NCOR2: variants seen among roughly 807,000 people sequenced by gnomAD.
The protein encoded by NCOR2 is CTG repeat protein 26.
NCOR2 carries 81 observed loss-of-function variants against 262.9 expected under a neutral mutation model. The ratio of observed to expected loss-of-function variants is 0.31; its 90% CI spans 0.26 to 0.37. NCOR2 has a LOEUF of 0.37. Ranked by LOEUF, NCOR2 falls within the 10% of genes least tolerant of loss-of-function variation. NCOR2 has a pLI of 1.00. For missense variants in NCOR2, 3,385 were observed against 3,621.4 expected (o/e 0.93, Z 1.68); for synonymous variants, 1,659 against 1,559.3 (o/e 1.06, Z -1.51).
In NCOR2 at chr12:124,378,935, C is replaced by T. The variant is rs528931970; in HGVS notation, c.2020-551G>A. On this transcript the variant is annotated intron_variant, in intron 17 of 46. Transcript: ENST00000405201. The surrounding 1 kb of genome is among the most constrained non-coding windows in gnomAD (Gnocchi z 4.2). ...ACAAGGTCCTGCCCTTGGAGGCTGC[C>T]CTGCCGCTGGGGAGACTGGCAACGT... Among the ~76,000 whole-genome samples the T allele has an allele frequency of 1.4e-3, 61 of 42,346 alleles. No homozygotes were observed. The highest frequency in any genetic ancestry group is 3.5e-3 in the African/African-American group (59 of 16,964). 27.8% of individuals were successfully genotyped at this position (42,346 alleles called of 152,430 possible). A position where few individuals can be genotyped will look rare whatever the true frequency, so the allele number is the denominator to read the frequency against.
At chr12:124,534,532 G>GT (rs1249941548) in intron 1 of NCOR2, among the ~76,000 whole-genome samples, 1 of 152,102 alleles carries the variant, frequency 6.6e-6, no homozygotes, top group Non-Finnish European at 1.5e-5. Context: ...CCAGAATGTC[G>GT]TTATGCAGCA....
At chr12:124,489,034 C>T (rs1158079706) in intron 1 of NCOR2, among the ~76,000 whole-genome samples, 4 of 151,994 alleles carry the variant, frequency 2.6e-5, no homozygotes, top group Non-Finnish European at 5.9e-5. Context: ...CACTGGCCCC[C>T]ACCACTAGGC....
chr12:124,356,513 G>C, intron 23 of NCOR2, 129 bp downstream of exon 25: 4 of 843,612 alleles, frequency 4.7e-6, no homozygotes, highest in Non-Finnish European at 6.5e-6. Flanking sequence ...CCACTGACCA[G>C]GCTGTTCCTC....
intron 16 of NCOR2, chr12:124,388,671 G>T (rs1339280671): frequency 1.4e-5 from 18 of 1,304,384 alleles, no homozygotes; most frequent in Non-Finnish European, 1.7e-5. Flanking sequence ...CCCTCCCCAG[G>T]ACCACTCACT....
At chr12:124,506,754 T>C (rs971241029) in intron 1 of NCOR2, among the ~76,000 whole-genome samples, 3 of 152,078 alleles carry the variant, frequency 2.0e-5, no homozygotes, top group African/African-American at 7.2e-5. Context: ...CAGAGGGAAG[T>C]GAGGAGTCAG....
chr12:124,392,839 C>T (rs1263995931), intron 16 of NCOR2, among the ~76,000 whole-genome samples: 3 of 152,224 alleles, frequency 2.0e-5, no homozygotes, highest in Non-Finnish European at 4.4e-5. Context: ...GTTCCTGCCT[C>T]GCTCCTGTGA....
chr12:124,546,524 C>T (rs984321283), intron 1 of NCOR2, among the ~76,000 whole-genome samples: 1 of 152,116 alleles, frequency 6.6e-6, no homozygotes, highest in African/African-American at 2.4e-5. Flanking sequence ...AAGTGATTAT[C>T]CTGCCTCAGC....
chr12:124,458,635 C>G (rs1385174338), intron 5 of NCOR2, among the ~76,000 whole-genome samples: 2 of 152,232 alleles, frequency 1.3e-5, no homozygotes, highest in Admixed American at 6.5e-5. Flanking sequence ...TGCGCATAAG[C>G]GCCATGGGAG....
chr12:124,362,092 C>A, intron 22 of NCOR2, 34 bp downstream of exon 24: 1 of 1,271,048 alleles, frequency 7.9e-7, no homozygotes, highest in Non-Finnish European at 9.9e-7. Flanking sequence ...TCCCCTGCTG[C>A]CCCAGCCCCA....
intron 1 of NCOR2, among the ~76,000 whole-genome samples, chr12:124,555,467 T>A (rs1029028106): frequency 2.0e-5 from 3 of 152,184 alleles, no homozygotes; most frequent in African/African-American, 7.2e-5. Flanking sequence ...GTCCGCAGGA[T>A]GTATACATGC....
At chr12:124,536,198 T>C (rs1413045121), upstream of NCOR2, among the ~76,000 whole-genome samples, 1 of 152,148 alleles carries the variant, frequency 6.6e-6, no homozygotes, top group Non-Finnish European at 1.5e-5. Flanking sequence ...CACCTAAGCC[T>C]GCTAAGTAGC....
intron 1 of NCOR2, among the ~76,000 whole-genome samples, chr12:124,493,916 C>T (rs1398329864): frequency 6.6e-6 from 1 of 152,198 alleles, no homozygotes; most frequent in African/African-American, 2.4e-5. Flanking sequence ...GGGCCTCAGT[C>T]TCCTCATCTG....
At chr12:124,366,174 G>A (rs1304211040) in intron 20 of NCOR2, among the ~76,000 whole-genome samples, 1 of 152,200 alleles carries the variant, frequency 6.6e-6, no homozygotes, top group Non-Finnish European at 1.5e-5. Context: ...ACAACAGCCA[G>A]AAGGCAGAGA....
At chr12:124,507,481 A>G (rs2136996773) in intron 1 of NCOR2, among the ~76,000 whole-genome samples, 1 of 152,336 alleles carries the variant, frequency 6.6e-6, no homozygotes, top group Non-Finnish European at 1.5e-5. Flanking sequence ...AAGTGTTGCC[A>G]GTGGCCCCGG....
rs751070423 is a variant in NCOR2 at position 124,400,519 on chromosome 12, G to C, written c.1795C>G (p.Gln599Glu). Residue 599 changes from glutamine to glutamate, a missense_variant, in exon 15 of 47, where the codon CAG becomes GAG. Transcript: ENST00000405201. ...AGCTCACCCAGCTCGGCGCTCTGCT[G>C]GGGGGTGATGGCCTCCTCGCTGTTG... 3.7e-6 allele frequency: 6 copies of C among 1,613,848 alleles called. No individual in the cohort carries two copies. The highest frequency in any genetic ancestry group is 5.1e-6 in the Non-Finnish European group (6 of 1,179,924).
At chr12:124,405,790 C>T (rs904636592) in intron 13 of NCOR2, among the ~76,000 whole-genome samples, 3 of 151,298 alleles carry the variant, frequency 2.0e-5, no homozygotes, top group Non-Finnish European at 4.4e-5. Context: ...CCCCCAAAGC[C>T]TTCTATGTTT....
intron 18 of NCOR2, among the ~76,000 whole-genome samples, chr12:124,377,403 G>A (rs1207135521): frequency 3.9e-5 from 6 of 152,198 alleles, no homozygotes; most frequent in East Asian, 1.9e-4. Flanking sequence ...CAAAGAAGGG[G>A]ACTGAATTAT....
rs545534542 is a variant in NCOR2 at position 124,362,221 on chromosome 12, G to A, written c.3005C>T (p.Pro1002Leu). ...GTCGCTCTCCGGCTGCAGGTTTTGC[G>A]GTGGCGGTGGGGCTGGGGGAGCTGG... Residue 1002 changes from proline to leucine, a missense_variant, in exon 22 of 47, where the codon CCG (proline) becomes CTG (leucine). Pro to Leu is a moderately conservative substitution (Grantham distance 98). Around this residue, in one of 5 missense-constraint regions of NCOR2, gnomAD observed 1,615 missense variants for 1,626.9 expected, o/e 0.99. Coordinates refer to ENST00000405201, the Ensembl canonical transcript of NCOR2. 20 of 1,310,974 alleles carry A rather than the reference G, an allele frequency of 1.5e-5. No individual in the cohort carries two copies. Among genetic ancestry groups the A allele is most frequent in the Middle Eastern group, 2.2e-4 (1 of 4,626 alleles). 81.2% of individuals were successfully genotyped at this position (1,310,974 alleles called of 1,614,324 possible).
intron 1 of NCOR2, among the ~76,000 whole-genome samples, chr12:124,511,377 C>A (rs894712225): frequency 2.6e-5 from 4 of 152,254 alleles, no homozygotes; most frequent in Non-Finnish European, 2.9e-5. Flanking sequence ...CACTAAGGAG[C>A]TGTGTGGCCT....
Sources: allele counts gnomAD v4.1 joint callset (sites outside exome capture counted in the v4.1 genomes callset), GRCh38; gene constraint gnomAD v4.1.1; regional missense constraint gnomAD v4.1.1; non-coding constraint Gnocchi (gnomAD v3.1); transcripts MANE v1.5; gene names NCBI Gene and HGNC (gene_info 2026-07-23, HGNC 2026-07-21).